SMOC2: variants seen among roughly 807,000 people sequenced by gnomAD.
SMOC2 encodes SPARC-related modular calcium-binding protein 2.
A neutral mutation model predicts 61.4 loss-of-function variants in SMOC2; 39 were observed. The observed-to-expected ratio is 0.64, with a 90% CI of 0.49 to 0.83. SMOC2 has a LOEUF of 0.83. Among genes scored for constraint, SMOC2 ranks in the 40% least tolerant of loss-of-function variants. SMOC2 has a pLI of 0.00. For synonymous variants in SMOC2, 247 were observed against 239.9 expected (o/e 1.03, Z -0.27); for missense variants, 556 against 592.9 (o/e 0.94, Z 0.65).
At chr6:168,572,933 T>G (rs12215140) in intron 7 of SMOC2, among the ~76,000 whole-genome samples, 897 of 31,298 alleles carry the variant, frequency 0.029, no homozygotes, top group Middle Eastern at 0.059. Flanking sequence ...CCGCATCCCC[T>G]GGTGCCGGGA....
At chr6:168,555,489 G>C (rs182687513) in intron 7 of SMOC2, among the ~76,000 whole-genome samples, 1 of 152,124 alleles carries the variant, frequency 6.6e-6, no homozygotes, top group African/African-American at 2.4e-5. Context: ...GAGAGGCTGG[G>C]TGCTGGCTCA....
chr6:168,449,292 T>C (rs1396155886), intron 1 of SMOC2, among the ~76,000 whole-genome samples: 2 of 152,210 alleles, frequency 1.3e-5, no homozygotes, highest in African/African-American at 4.8e-5. Flanking sequence ...GTACAAACTT[T>C]CCTCACATTT....
intron 1 of SMOC2, among the ~76,000 whole-genome samples, chr6:168,503,600 GTAT>G: frequency 6.6e-6 from 1 of 152,258 alleles, no homozygotes; most frequent in African/African-American, 2.4e-5. Flanking sequence ...AGGTGACAAG[GTAT>G]TATTACTCTC....
chr6:168,567,084 A>G (rs78619484), intron 7 of SMOC2, among the ~76,000 whole-genome samples: 8,533 of 152,088 alleles, frequency 0.056, 339 homozygotes, highest in Non-Finnish European at 0.077. Flanking sequence ...ACTAAAAGGC[A>G]TTTTTTCTCT....
intron 7 of SMOC2, among the ~76,000 whole-genome samples, chr6:168,589,033 T>C (rs1009112793): frequency 2.9e-4 from 39 of 136,614 alleles, no homozygotes; most frequent in African/African-American, 1.0e-3. Flanking sequence ...GTTGAGATCG[T>C]GCCACTGCAC....
intron 1 of SMOC2, among the ~76,000 whole-genome samples, chr6:168,482,180 A>T (rs1416975163): frequency 6.6e-6 from 1 of 151,992 alleles, no homozygotes; most frequent in Non-Finnish European, 1.5e-5. Flanking sequence ...GTTTCAAATT[A>T]CTAAAATAGA....
chr6:168,515,545 T>G (rs1185971935), intron 2 of SMOC2, among the ~76,000 whole-genome samples: 1 of 95,692 alleles, frequency 1.0e-5, no homozygotes, highest in Admixed American at 1.2e-4. Context: ...GCAGTTGGAG[T>G]TTTCCTAAAG....
At chr6:168,632,800 G>T (rs1241513367) in intron 9 of SMOC2, among the ~76,000 whole-genome samples, 1 of 152,178 alleles carries the variant, frequency 6.6e-6, no homozygotes, top group Non-Finnish European at 1.5e-5. Flanking sequence ...GTCCTCAGAA[G>T]CTCCCAGAGA....
chr6:168,500,629 C>A (rs1038541241), intron 1 of SMOC2, among the ~76,000 whole-genome samples: 3 of 152,248 alleles, frequency 2.0e-5, no homozygotes, highest in Admixed American at 1.3e-4. Context: ...CTGAAGACAA[C>A]ACTCTTCACT....
intron 4 of SMOC2, 112 bp downstream of exon 4, chr6:168,527,839 C>G (rs2609286): frequency 2.6e-6 from 2 of 778,876 alleles, no homozygotes; most frequent in Non-Finnish European, 4.3e-6. Flanking sequence ...CCAGTTTGGC[C>G]GGCATTGTGA....
rs368340015 is a variant in SMOC2, at chr6:168,518,962, C to T, written c.257-7384C>T. On this transcript the variant is annotated intron_variant, in intron 2 of 12. Transcript: ENST00000356284. ...GCTTGCATGTGTGTTAGTGTGTATC[C>T]GTGCACGCGTGTGTATGCATGCGTG... Among the ~76,000 whole-genome samples, 40 of 136,100 alleles carry T rather than the reference C, an allele frequency of 2.9e-4. 1 individual carries two copies. Among genetic ancestry groups the T allele is most frequent in the African/African-American group, 8.3e-4 (30 of 35,972 alleles). The allele number at this position is 136,100 out of a possible 152,430, so 89.3% of individuals were successfully genotyped here.
intron 2 of SMOC2, among the ~76,000 whole-genome samples, chr6:168,523,533 G>A (rs903435532): frequency 2.7e-5 from 4 of 147,778 alleles, no homozygotes; most frequent in Non-Finnish European, 6.0e-5. Flanking sequence ...GAACACAGGC[G>A]CCTGCCACCA....
At chr6:168,522,441 A>C (rs1376549485) in intron 2 of SMOC2, among the ~76,000 whole-genome samples, 2 of 152,250 alleles carry the variant, frequency 1.3e-5, no homozygotes, top group Non-Finnish European at 2.9e-5. Context: ...AAAAGATCCT[A>C]AGTGTTCATC....
Position 168,559,842 on chromosome 6 carries a change from A to G in SMOC2, c.637+10639A>G, listed in dbSNP as rs371943140. Among the ~76,000 whole-genome samples, 12 of 152,376 alleles carry G rather than the reference A, an allele frequency of 7.9e-5. No individual in the cohort carries two copies. In the East Asian group the frequency reaches 1.9e-3, roughly 24 times the overall value. On this transcript the variant is annotated intron_variant, in intron 7 of 12. Transcript: ENST00000356284. ...CCTCCTTTGTGAAAGGACAAAGTTC[A>G]TACAATTAATGAAATCATCTTTCTC...
chr6:168,541,919 G>A (rs1027706579), intron 4 of SMOC2, among the ~76,000 whole-genome samples: 1 of 152,148 alleles, frequency 6.6e-6, no homozygotes, highest in South Asian at 2.1e-4. Flanking sequence ...GACCTCAGGC[G>A]AAATTTTGAA....
intron 2 of SMOC2, among the ~76,000 whole-genome samples, chr6:168,515,580 G>A (rs1313638125): frequency 6.6e-6 from 1 of 151,938 alleles, no homozygotes; most frequent in Non-Finnish European, 1.5e-5. Context: ...CTGCATCCTG[G>A]CTCGTGGCGG....
At chr6:168,620,346 A>G (rs1420511772) in intron 9 of SMOC2, among the ~76,000 whole-genome samples, 1 of 152,192 alleles carries the variant, frequency 6.6e-6, no homozygotes, top group Non-Finnish European at 1.5e-5. Flanking sequence ...TATTTATTAC[A>G]TGCCTGTTGC....
At chr6:168,518,178 G>A (rs964117934) in intron 2 of SMOC2, among the ~76,000 whole-genome samples, 1 of 152,206 alleles carries the variant, frequency 6.6e-6, no homozygotes. Context: ...CCCCGCACAA[G>A]CGCCCGGGGC....
intron 4 of SMOC2, among the ~76,000 whole-genome samples, chr6:168,532,436 C>A (rs573573665): frequency 4.6e-5 from 7 of 152,136 alleles, no homozygotes; most frequent in African/African-American, 9.7e-5. Flanking sequence ...CACCCTCCCC[C>A]CCTCCCCCAC....
Sources: allele counts gnomAD v4.1 joint callset (sites outside exome capture counted in the v4.1 genomes callset), GRCh38; gene constraint gnomAD v4.1.1; transcripts MANE v1.5; gene names NCBI Gene and HGNC (gene_info 2026-07-23, HGNC 2026-07-21).